Variants in TIGAR observed in about 807,000 individuals in gnomAD.
The protein encoded by TIGAR is fructose-2,6-bisphosphatase TIGAR.
In TIGAR, 7 loss-of-function variants were observed where a neutral mutation model predicts 17.9. The observed-to-expected ratio is 0.39, with a 90% CI of 0.22 to 0.73. The LOEUF is 0.73. TIGAR is among the 30% of genes least tolerant of loss of function. The probability of loss-of-function intolerance (pLI) is 0.42; values close to 1 mark genes in which losing one functional copy is unlikely to be tolerated. For missense variants in TIGAR, 258 were observed against 327.4 expected (o/e 0.79, Z 1.64); for synonymous variants, 94 against 108.6 (o/e 0.87, Z 0.84).
rs1358751561 is a variant in TIGAR, at chr12:4,357,343, T to C, written c.*4652T>C. 6.6e-6 allele frequency among the ~76,000 whole-genome samples: 1 copy of C among 152,202 alleles called. No homozygotes were observed. The highest frequency in any genetic ancestry group is 1.5e-5 in the Non-Finnish European group (1 of 68,038). On this transcript the variant is annotated 3_prime_UTR_variant, in exon 6 of 6. Transcript: ENST00000179259. ...CCTAGGTGAATCCACCTGGCATAAT[T>C]ATCAGCCCTGTTAAGCACAGACACA... is the stretch of plus-strand genomic sequence containing the variant.
At chr12:4,326,752 ATCTT>A (rs1286438248) in intron 1 of TIGAR, among the ~76,000 whole-genome samples, 2 of 152,212 alleles carry the variant, frequency 1.3e-5, no homozygotes, top group East Asian at 3.8e-4. Context: ...TTTAATTTGA[ATCTT>A]TCATTATCTA....
rs371293733 is a variant in TIGAR, at chr12:4,321,240, C to T, written c.-32C>T. On this transcript the variant is annotated 5_prime_UTR_variant, in exon 1 of 6. Transcript: ENST00000179259. This position sits in a 1 kb window ranked among gnomAD's most constrained non-coding sequence, Gnocchi z 5.2. ...CCCGCAGTGCAGGGGCAGCGCGGCG[C>T]GGGGCCACCGACGGGACGCGGCTCC... The T allele has an allele frequency of 1.9e-6, 3 of 1,599,762 alleles. No homozygotes were observed. The South Asian group carries it at 3.3e-5, about 18-fold the overall frequency.
intron 2 of TIGAR, among the ~76,000 whole-genome samples, chr12:4,333,495 A>G (rs541942750): frequency 1.3e-5 from 2 of 151,772 alleles, no homozygotes; most frequent in South Asian, 2.1e-4. Flanking sequence ...TTTGAGACGG[A>G]GTCTCACTCT....
Position 4,336,986 on chromosome 12 carries a change from A to G in TIGAR, c.71-53A>G, listed in dbSNP as rs553453481. Reference sequence around the variant, plus strand: ...TATATTTTCTACATGTGATTTATACATCTCTGATATGTAGTTTTGAATGTT... The same window carrying G: ...TATATTTTCTACATGTGATTTATACGTCTCTGATATGTAGTTTTGAATGTT... On this transcript the variant is annotated intron_variant, in intron 2 of 5. Transcript: ENST00000179259. 7.4e-6 allele frequency: 11 copies of G among 1,478,636 alleles called. No individual in the cohort carries two copies. In the South Asian group the frequency reaches 1.3e-4, roughly 17 times the overall value. The allele number at this position is 1,478,636 out of a possible 1,614,324, so 91.6% of individuals were successfully genotyped here.
In TIGAR at chr12:4,358,287, CAAAAAAA is replaced by C. The variant is rs1203284222; in HGVS notation, c.*5605_*5611del. On this transcript the variant is annotated 3_prime_UTR_variant, in exon 6 of 6. Coordinates refer to ENST00000179259, the MANE Select transcript of TIGAR (RefSeq NM_020375.3). ...AATACAAAAATTAGCTGGGCGTCTC[CAAAAAAA>C]AAAAAAAAGAAAAAGAAAAATCACT... is the stretch of plus-strand genomic sequence containing the variant. 9.1e-6 allele frequency among the ~76,000 whole-genome samples: 1 copy of C among 109,666 alleles called. No individual in the cohort carries two copies. 71.9% of individuals were successfully genotyped at this position (109,666 alleles called of 152,430 possible). A position where few individuals can be genotyped will look rare whatever the true frequency, so the allele number is the denominator to read the frequency against.
intron 3 of TIGAR, among the ~76,000 whole-genome samples, chr12:4,349,140 AT>A (rs35526823): frequency 0.17 from 26,480 of 151,592 alleles, 3,423 homozygotes; most frequent in East Asian, 0.54. Flanking sequence ...CCAGATAGTA[AT>A]TTTTTTTTAG....
intron 2 of TIGAR, among the ~76,000 whole-genome samples, chr12:4,332,035 G>A (rs1284583652): frequency 3.9e-5 from 6 of 152,088 alleles, no homozygotes; most frequent in South Asian, 4.1e-4. Flanking sequence ...GTTTTCAGAC[G>A]AAATATGCCC....
In TIGAR at chr12:4,352,407, A is replaced by T. The variant is rs745707703; in HGVS notation, c.529A>T (p.Ser177Cys). The change falls in exon 6 of 6, where the codon AGC (serine) becomes TGC (cysteine). Residue 177 changes from serine (S) to cysteine (C), a missense_variant. Coordinates refer to ENST00000179259, the MANE Select transcript of TIGAR (RefSeq NM_020375.3). ...GATATTTCCTTTAGGAAAAAATCAC[A>T]GCTCTAAAGTTAATTCAGACAGCGG... is the stretch of plus-strand genomic sequence containing the variant. ...AEIFPLGKNH[S>C]SKVNSDSGIP... 6.2e-7 allele frequency: 1 copy of T among 1,614,194 alleles called. No individual in the cohort carries two copies. The highest frequency in any genetic ancestry group is 1.3e-5 in the African/African-American group (1 of 75,044).
At position 4,322,005 on chromosome 12, in the gene TIGAR, T is replaced by A. The variant is rs1210404704; in HGVS notation, c.32+702T>A. ...GCACAGATTTTTATTTTTATTTTTT[T>A]TTTTTTGTGAGATGGAGCCTCGCTC... On this transcript the variant is annotated intron_variant, in intron 1 of 5. Transcript: ENST00000179259. Among the ~76,000 whole-genome samples, 14 of 152,216 alleles carry A rather than the reference T, an allele frequency of 9.2e-5. No homozygotes were observed. In the East Asian group the frequency reaches 1.2e-3, roughly 13 times the overall value.
intron 1 of TIGAR, among the ~76,000 whole-genome samples, chr12:4,327,367 C>A (rs372727153): frequency 1.3e-5 from 2 of 151,378 alleles, no homozygotes; most frequent in East Asian, 3.9e-4. Flanking sequence ...CGAGATCACA[C>A]CACTGCACTC....
chr12:4,357,908 C>T lies in TIGAR; in HGVS notation c.*5217C>T, dbSNP rs569522853. Reference sequence around the variant, plus strand: ...CACGAGGTCAGGAGATAGAGACCATCCTGGCTAACACAGTGAAACCTCGTC... The same window carrying T: ...CACGAGGTCAGGAGATAGAGACCATTCTGGCTAACACAGTGAAACCTCGTC... On this transcript the variant is annotated 3_prime_UTR_variant, in exon 6 of 6. Transcript: ENST00000179259. Among the ~76,000 whole-genome samples the T allele has an allele frequency of 2.0e-5, 3 of 150,264 alleles. No individual in the cohort carries two copies. The highest frequency in any genetic ancestry group is 4.4e-5 in the Non-Finnish European group (3 of 67,618).
At chr12:4,347,413 G>C (rs763090582) in intron 3 of TIGAR, among the ~76,000 whole-genome samples, 111 of 152,300 alleles carry the variant, frequency 7.3e-4, no homozygotes, top group Non-Finnish European at 1.2e-3. Flanking sequence ...AGGTAGTAGG[G>C]GGAGGTGTTG....
rs1864929393 is a variant in TIGAR at position 4,358,099 on chromosome 12, G to T, written c.*5408G>T. Among the ~76,000 whole-genome samples the T allele has an allele frequency of 1.9e-5, 1 of 51,392 alleles. No homozygotes were observed. Among genetic ancestry groups the T allele is most frequent in the African/African-American group, 5.7e-5 (1 of 17,638 alleles). 33.7% of individuals were successfully genotyped at this position (51,392 alleles called of 152,430 possible). A position where few individuals can be genotyped will look rare whatever the true frequency, so the allele number is the denominator to read the frequency against. On this transcript the variant is annotated 3_prime_UTR_variant, in exon 6 of 6. Transcript: ENST00000179259. ...AGCCTGGGTGACAGAGCAAGACTGG[G>T]TCTCAAAAAAAAAAAAAAAAAATCA...
intron 3 of TIGAR, among the ~76,000 whole-genome samples, chr12:4,342,842 A>C (rs1435229511): frequency 6.6e-6 from 1 of 152,300 alleles, no homozygotes; most frequent in East Asian, 1.9e-4. Context: ...TGAGCAAAAT[A>C]AGCAGCTAAC....
At chr12:4,322,146 G>A (rs570318179) in intron 1 of TIGAR, among the ~76,000 whole-genome samples, 1 of 152,270 alleles carries the variant, frequency 6.6e-6, no homozygotes, top group East Asian at 1.9e-4. Flanking sequence ...ACAGGCATGC[G>A]CCACCACGCC....
rs1011528882 is a variant in TIGAR, at chr12:4,359,135, C to T, written c.*6444C>T. On this transcript the variant is annotated 3_prime_UTR_variant, in exon 6 of 6. Coordinates refer to ENST00000179259, the MANE Select transcript of TIGAR (RefSeq NM_020375.3). ...TTTTTTTTCTTTAGCCAACTCACGC[C>T]ATGACTCTACTTTTGCTTCTATGTT... 6.6e-6 allele frequency among the ~76,000 whole-genome samples: 1 copy of T among 151,932 alleles called. No homozygotes were observed. Among genetic ancestry groups the T allele is most frequent in the South Asian group, 2.1e-4 (1 of 4,814 alleles).
In TIGAR at chr12:4,354,038, C is replaced by T. The variant is rs7962818; in HGVS notation, c.*1347C>T. The T allele has an allele frequency of 0.56, 86,107 of 152,410 alleles. 24,833 individuals are homozygous for T. The highest frequency in any genetic ancestry group is 0.68 in the Middle Eastern group (200 of 294). 9.4% of individuals were successfully genotyped at this position (152,410 alleles called of 1,614,324 possible). On this transcript the variant is annotated 3_prime_UTR_variant, in exon 6 of 6. Transcript: ENST00000179259. ...TCTTTATCTAAATGAAGAAACTGTT[C>T]TACATGTAGTTCGCTTTTAAGTCAC...
rs111676645 is a variant in TIGAR at position 4,321,998 on chromosome 12, ATTTTT to A, written c.32+704_32+708del. ...GTTAAGAGCACAGATTTTTATTTTT[ATTTTT>A]TTTTTTTTGTGAGATGGAGCCTCGC... On this transcript the variant is annotated intron_variant, in intron 1 of 5. Coordinates refer to ENST00000179259, the MANE Select transcript of TIGAR (RefSeq NM_020375.3). The surrounding 1 kb of genome is among the most constrained non-coding windows in gnomAD (Gnocchi z 5.2). Among the ~76,000 whole-genome samples, 12 of 114,028 alleles carry A rather than the reference ATTTTT, an allele frequency of 1.1e-4. No homozygotes were observed. Among genetic ancestry groups the A allele is most frequent in the South Asian group, 3.0e-4 (1 of 3,386 alleles). 74.8% of individuals were successfully genotyped at this position (114,028 alleles called of 152,430 possible). A position where few individuals can be genotyped will look rare whatever the true frequency, so the allele number is the denominator to read the frequency against.
In TIGAR at chr12:4,359,107, G is replaced by GT. The variant is rs11445611; in HGVS notation, c.*6426dup. Among the ~76,000 whole-genome samples, 144,486 of 148,758 alleles carry GT rather than the reference G, an allele frequency of 0.97. 70,205 individuals are homozygous for GT. Among genetic ancestry groups the GT allele is most frequent in the South Asian group, 1 (4,699 of 4,722 alleles). On this transcript the variant is annotated 3_prime_UTR_variant, in exon 6 of 6. Coordinates refer to ENST00000179259, the MANE Select transcript of TIGAR (RefSeq NM_020375.3). ...CCTTTATTGTTTATTTTCTGACTCT[G>GT]TTTTTTTTTTCTTTAGCCAACTCAC...
Sources: allele counts gnomAD v4.1 joint callset (sites outside exome capture counted in the v4.1 genomes callset), GRCh38; gene constraint gnomAD v4.1.1; non-coding constraint Gnocchi (gnomAD v3.1); transcripts MANE v1.5; gene names NCBI Gene and HGNC (gene_info 2026-07-23, HGNC 2026-07-21).